The following RIMS2 variants were observed in gnomAD, a reference collection of about 807,000 sequenced individuals.
RIMS2 encodes the protein regulating synaptic membrane exocytosis protein 2.
Under a neutral mutation model 174.4 loss-of-function variants are expected in RIMS2, and 59 were observed. The ratio of observed to expected loss-of-function variants is 0.34; its 90% confidence interval spans 0.27 to 0.42. The LOEUF (loss-of-function observed/expected upper bound fraction) is 0.42, where lower values mean the gene tolerates loss of function less well. Ranked by LOEUF, RIMS2 falls within the 10% of genes least tolerant of loss-of-function variation. The pLI, the probability that RIMS2 is intolerant of heterozygous loss-of-function variation, is 1.00. For synonymous variants in RIMS2, 606 were observed against 572.5 expected (o/e 1.06, Z -0.84); for missense variants, 1,620 against 1,666.3 (o/e 0.97, Z 0.48).
rs147229996 is a variant in RIMS2 at position 103,547,389 on chromosome 8, A to G, written c.176+46327A>G. 2.3e-3 allele frequency among the ~76,000 whole-genome samples: 347 copies of G among 152,330 alleles called. 5 individuals are homozygous for G. The highest frequency in any genetic ancestry group is 5.4e-4 in the Non-Finnish European group (37 of 68,026). On this transcript the variant is annotated intron_variant, in intron 1 of 23. Coordinates refer to ENST00000504942, the Ensembl canonical transcript of RIMS2. ...AACCATGCAGTTACATGGAAATTAA[A>G]CAATCTTCTCCTGAATGACTTTTGG...
chr8:103,712,206 C>T (rs1388504559), intron 2 of RIMS2, among the ~76,000 whole-genome samples: 5 of 147,894 alleles, frequency 3.4e-5, no homozygotes, highest in Admixed American at 1.3e-4. Context: ...GACAGGGTCT[C>T]GCCACCTTGC....
chr8:103,933,092 C>G (rs1036921436), intron 12 of RIMS2, among the ~76,000 whole-genome samples: 2 of 151,884 alleles, frequency 1.3e-5, no homozygotes, highest in Non-Finnish European at 2.9e-5. Context: ...GGAGATCGAG[C>G]CCATCCTGGC....
At chr8:104,098,362 C>A (rs1179115968) in intron 19 of RIMS2, among the ~76,000 whole-genome samples, 1 of 152,010 alleles carries the variant, frequency 6.6e-6, no homozygotes, top group Non-Finnish European at 1.5e-5. Context: ...ATTAAAATGT[C>A]ATCGGGATGG....
intron 1 of RIMS2, among the ~76,000 whole-genome samples, chr8:103,573,785 A>T (rs938891779): frequency 6.6e-6 from 1 of 152,134 alleles, no homozygotes; most frequent in African/African-American, 2.4e-5. Flanking sequence ...TTTGATCTGT[A>T]TATTGCTTTG....
chr8:103,832,219 CT>C (rs528141621), intron 3 of RIMS2, among the ~76,000 whole-genome samples: 3 of 152,018 alleles, frequency 2.0e-5, no homozygotes, highest in Non-Finnish European at 4.4e-5. Flanking sequence ...TTTTCATCAA[CT>C]TTGACAATTT....
chr8:103,889,616 G>A (rs563823002), intron 4 of RIMS2, among the ~76,000 whole-genome samples: 2 of 151,076 alleles, frequency 1.3e-5, no homozygotes, highest in African/African-American at 2.4e-5. Flanking sequence ...AATTGGTAGC[G>A]AGTTTATAAT....
intron 1 of RIMS2, among the ~76,000 whole-genome samples, chr8:103,522,609 A>G (rs547495254): frequency 6.6e-6 from 1 of 152,130 alleles, no homozygotes; most frequent in Non-Finnish European, 1.5e-5. Context: ...TTTACCACTT[A>G]CAAATGACTT....
At chr8:103,732,090 T>C (rs79851892) in intron 2 of RIMS2, among the ~76,000 whole-genome samples, 18,887 of 152,170 alleles carry the variant, frequency 0.12, 1,271 homozygotes, top group Middle Eastern at 0.22. Context: ...AGGTTTTCCA[T>C]GTATTCAAAG....
At chr8:103,717,240 G>T (rs1360627782) in intron 2 of RIMS2, among the ~76,000 whole-genome samples, 1 of 142,576 alleles carries the variant, frequency 7.0e-6, no homozygotes, top group African/African-American at 2.6e-5. Flanking sequence ...GGCAAATATC[G>T]AATGTGGGTT....
chr8:104,173,276 A>G (rs879257676), intron 19 of RIMS2, among the ~76,000 whole-genome samples: 2 of 152,170 alleles, frequency 1.3e-5, no homozygotes, highest in Non-Finnish European at 1.5e-5. Flanking sequence ...TCAGAATGCT[A>G]TTGGAAGACT....
chr8:103,759,684 A>C (rs1382700352), intron 2 of RIMS2, among the ~76,000 whole-genome samples: 1 of 152,182 alleles, frequency 6.6e-6, no homozygotes, highest in South Asian at 2.1e-4. Flanking sequence ...TGTCCCAGAC[A>C]TGACACCTAT....
intron 3 of RIMS2, among the ~76,000 whole-genome samples, chr8:103,882,067 C>A (rs1018859140): frequency 6.6e-6 from 1 of 151,328 alleles, no homozygotes; most frequent in Non-Finnish European, 1.5e-5. Context: ...CTAGACGAAT[C>A]GTTCCTTTTC....
Position 103,606,785 on chromosome 8 carries a change from T to G in RIMS2, c.177-90301T>G, listed in dbSNP as rs901005771. Among the ~76,000 whole-genome samples, 4 of 151,966 alleles carry G rather than the reference T, an allele frequency of 2.6e-5. 1 individual carries two copies. Among genetic ancestry groups the G allele is most frequent in the South Asian group, 4.2e-4 (2 of 4,814 alleles). On this transcript the variant is annotated intron_variant, in intron 1 of 23. Coordinates refer to ENST00000504942, the Ensembl canonical transcript of RIMS2. ...CTTCTTTGTCTCTTTTGATCTTTGT[T>G]GGTTTAAAGTCTGTTTTATCAGAGA... is the stretch of plus-strand genomic sequence containing the variant.
intron 1 of RIMS2, among the ~76,000 whole-genome samples, chr8:103,544,774 G>A (rs549719646): frequency 1.3e-5 from 2 of 152,314 alleles, no homozygotes; most frequent in South Asian, 2.1e-4. Context: ...GACAGTAATC[G>A]GAGGGGGCTC....
At chr8:103,609,848 T>G (rs1236474785) in intron 1 of RIMS2, among the ~76,000 whole-genome samples, 1 of 152,218 alleles carries the variant, frequency 6.6e-6, no homozygotes, top group East Asian at 1.9e-4. Flanking sequence ...TTTAAATAGT[T>G]TTTTTCTAAT....
chr8:103,960,308 T>C (rs2089529055), intron 14 of RIMS2, among the ~76,000 whole-genome samples: 1 of 152,230 alleles, frequency 6.6e-6, no homozygotes, highest in Non-Finnish European at 1.5e-5. Flanking sequence ...AAGATTCACA[T>C]TTAAAAATTT....
At chr8:103,947,646 A>G (rs1014284541) in intron 14 of RIMS2, among the ~76,000 whole-genome samples, 1 of 152,242 alleles carries the variant, frequency 6.6e-6, no homozygotes, top group South Asian at 2.1e-4. Context: ...GGTACTTATC[A>G]TGAGTGGAGC....
chr8:104,145,092 T>G (rs1174168446), intron 19 of RIMS2, among the ~76,000 whole-genome samples: 1 of 152,244 alleles, frequency 6.6e-6, no homozygotes, highest in Non-Finnish European at 1.5e-5. Flanking sequence ...CCACTGTTGT[T>G]GGACATTTGT....
At chr8:104,166,636 C>G (rs2098799780) in intron 19 of RIMS2, among the ~76,000 whole-genome samples, 1 of 151,738 alleles carries the variant, frequency 6.6e-6, no homozygotes, top group African/African-American at 2.4e-5. Context: ...TTAGAGCATA[C>G]TCAAGGAACT....
Sources: allele counts gnomAD v4.1 joint callset (sites outside exome capture counted in the v4.1 genomes callset), GRCh38; gene constraint gnomAD v4.1.1; transcripts MANE v1.5; gene names NCBI Gene and HGNC (gene_info 2026-07-23, HGNC 2026-07-21).